Variants in EFCAB6 observed in about 807,000 individuals in gnomAD.
The protein encoded by EFCAB6 is EF-hand calcium-binding domain-containing protein 6.
Under a neutral mutation model 169.8 loss-of-function variants are expected in EFCAB6, and 156 were observed. That is an observed-to-expected ratio of 0.92 (90% CI 0.81 to 1.05). The LOEUF is 1.05. EFCAB6 is among the 50% of genes least tolerant of loss of function. The probability of loss-of-function intolerance (pLI) is 0.00; values close to 1 mark genes in which losing one functional copy is unlikely to be tolerated. For synonymous variants in EFCAB6, 698 were observed against 676.4 expected (o/e 1.03, Z -0.50); for missense variants, 1,800 against 1,829.1 (o/e 0.98, Z 0.29).
At chr22:43,793,437 T>G (rs911119911) in intron 2 of EFCAB6, among the ~76,000 whole-genome samples, 7 of 152,176 alleles carry the variant, frequency 4.6e-5, no homozygotes, top group African/African-American at 1.7e-4. Flanking sequence ...TATAAGCATT[T>G]TCTAAGCAAC....
chr22:43,609,829 G>A (rs151147735), intron 21 of EFCAB6, among the ~76,000 whole-genome samples: 3 of 152,340 alleles, frequency 2.0e-5, no homozygotes, highest in African/African-American at 7.2e-5. Flanking sequence ...CGACAACAAA[G>A]ATGTGATGTA....
At chr22:43,727,545 A>T (rs2059782926) in intron 8 of EFCAB6, among the ~76,000 whole-genome samples, 1 of 152,224 alleles carries the variant, frequency 6.6e-6, no homozygotes, top group Non-Finnish European at 1.5e-5. Context: ...ATCTCAGTGG[A>T]ACAACAGGAG....
At chr22:43,738,581 TCA>T (rs959509004) in intron 6 of EFCAB6, among the ~76,000 whole-genome samples, 4 of 151,062 alleles carry the variant, frequency 2.6e-5, no homozygotes, top group Middle Eastern at 3.2e-3. Flanking sequence ...GTACATATAA[TCA>T]CACACACACC....
In EFCAB6 at chr22:43,735,311, G is replaced by A. The variant is rs577558714; in HGVS notation, c.644+546C>T. Among the ~76,000 whole-genome samples, 20 of 37,118 alleles carry A rather than the reference G, an allele frequency of 5.4e-4. No homozygotes were observed. In the South Asian group the frequency reaches 0.016, roughly 30 times the overall value. The allele number at this position is 37,118 out of a possible 152,430, so 24.4% of individuals were successfully genotyped here. ...TTCTGCTGTTCGTCACCCTCCTGCC[G>A]CACACCCCACCCTCCTGCCGCACAC... On this transcript the variant is annotated intron_variant, in intron 7 of 31. Coordinates refer to ENST00000262726, the MANE Select transcript of EFCAB6 (RefSeq NM_022785.4).
At chr22:43,752,202 C>A (rs1362357552) in intron 6 of EFCAB6, among the ~76,000 whole-genome samples, 1 of 150,378 alleles carries the variant, frequency 6.6e-6, no homozygotes, top group Non-Finnish European at 1.5e-5. Context: ...ACTGCAACCT[C>A]TGCCTCCTGG....
At chr22:43,618,747 GTC>G (rs1310647351) in intron 20 of EFCAB6, among the ~76,000 whole-genome samples, 1 of 152,110 alleles carries the variant, frequency 6.6e-6, no homozygotes, top group Non-Finnish European at 1.5e-5. Flanking sequence ...TCCTGTTTTT[GTC>G]TCTGTTTACT....
At chr22:43,660,134 A>C (rs1353677254) in intron 17 of EFCAB6, among the ~76,000 whole-genome samples, 2 of 152,228 alleles carry the variant, frequency 1.3e-5, no homozygotes, top group African/African-American at 4.8e-5. Flanking sequence ...AGACAATTAC[A>C]AGAAGCTGGG....
chr22:43,722,095 A>G (rs1355376399), intron 8 of EFCAB6, among the ~76,000 whole-genome samples: 1 of 152,162 alleles, frequency 6.6e-6, no homozygotes, highest in Non-Finnish European at 1.5e-5. Context: ...ACACGAACAG[A>G]CACTTCTCAA....
At chr22:43,609,267 A>C (rs960536866) in intron 21 of EFCAB6, among the ~76,000 whole-genome samples, 1 of 152,240 alleles carries the variant, frequency 6.6e-6, no homozygotes, top group African/African-American at 2.4e-5. Flanking sequence ...ATCAGGAACA[A>C]AGTGAGAATA....
chr22:43,733,793 C>G (rs896821756), intron 7 of EFCAB6, among the ~76,000 whole-genome samples: 1 of 152,108 alleles, frequency 6.6e-6, no homozygotes, highest in Non-Finnish European at 1.5e-5. Context: ...ACTGCAACCT[C>G]CGCCTCCCGG....
intron 17 of EFCAB6, among the ~76,000 whole-genome samples, chr22:43,655,839 A>C (rs1424172557): frequency 1.3e-5 from 2 of 152,240 alleles, no homozygotes; most frequent in Admixed American, 6.5e-5. Context: ...AGCCGAAGTG[A>C]CTACATTATT....
chr22:43,558,306 C>T (rs1307775973), intron 26 of EFCAB6, among the ~76,000 whole-genome samples: 1 of 152,122 alleles, frequency 6.6e-6, no homozygotes, highest in Admixed American at 6.5e-5. Flanking sequence ...GTAAGTAGTT[C>T]AGGATTGAGA....
At position 43,580,538 on chromosome 22, in the gene EFCAB6, C is replaced by T. The variant is rs536444830; in HGVS notation, c.3154G>A (p.Ala1052Thr). 17 of 1,614,140 alleles carry T rather than the reference C, an allele frequency of 1.1e-5. No homozygotes were observed. In the South Asian group the frequency reaches 1.6e-4, roughly 16 times the overall value. Residue 1052 changes from alanine (A) to threonine (T), a missense_variant, in exon 25 of 32, where the codon GCA becomes ACA. Transcript: ENST00000262726. ...EKEESMPINF[A>T]TLNPQEAVRK... ...ACAGCCTCCTGTGGATTCAGCGTTG[C>T]AAAATTGATTGGCATGCTCTCTTCT...
At chr22:43,568,360 C>T (rs780301453) in intron 26 of EFCAB6, among the ~76,000 whole-genome samples, 1 of 152,152 alleles carries the variant, frequency 6.6e-6, no homozygotes. Flanking sequence ...TGGGACAATA[C>T]GTTCTTGGAT....
intron 2 of EFCAB6, among the ~76,000 whole-genome samples, chr22:43,784,496 A>AT (rs2061940961): frequency 9.3e-6 from 1 of 107,042 alleles, no homozygotes; most frequent in African/African-American, 3.8e-5. Flanking sequence ...ACCAAAAAAA[A>AT]AAAAAAATAT....
Position 43,667,119 on chromosome 22 carries a change from C to T in EFCAB6, c.1968G>A (p.Val656=). 4.3e-6 allele frequency: 7 copies of T among 1,613,902 alleles called. No homozygotes were observed. Among genetic ancestry groups the T allele is most frequent in the Non-Finnish European group, 5.1e-6 (6 of 1,179,950 alleles). The part of the protein sequence containing the change: ...FSKEPNGKIN[V]HDFKKVLEDT... ...ATTCTCCTACCTTCTTAAAGTCATG[C>T]ACGTTAATTTTTCCATTAGGCTCCT... The change falls in exon 17 of 32, where the codon GTG becomes GTA. Residue 656 remains valine (V), a synonymous_variant. Coordinates refer to ENST00000262726, the MANE Select transcript of EFCAB6 (RefSeq NM_022785.4).
At chr22:43,609,501 C>T (rs750955739) in intron 21 of EFCAB6, among the ~76,000 whole-genome samples, 26 of 152,240 alleles carry the variant, frequency 1.7e-4, no homozygotes, top group Non-Finnish European at 2.9e-4. Flanking sequence ...AAATCAATCA[C>T]AGTTTTTACA....
chr22:43,751,885 T>C (rs1467667514), intron 6 of EFCAB6, among the ~76,000 whole-genome samples: 1 of 152,184 alleles, frequency 6.6e-6, no homozygotes, highest in African/African-American at 2.4e-5. Context: ...ACCTGCCTCA[T>C]GGGGTTCACC....
At chr22:43,670,084 T>C (rs999105535) in intron 15 of EFCAB6, among the ~76,000 whole-genome samples, 2 of 152,168 alleles carry the variant, frequency 1.3e-5, no homozygotes, top group Non-Finnish European at 2.9e-5. Flanking sequence ...TTTATAGCCT[T>C]TCTACCAGGC....
Sources: allele counts gnomAD v4.1 joint callset (sites outside exome capture counted in the v4.1 genomes callset), GRCh38; gene constraint gnomAD v4.1.1; transcripts MANE v1.5; gene names NCBI Gene and HGNC (gene_info 2026-07-23, HGNC 2026-07-21).